SCAPER: variants seen among roughly 807,000 people sequenced by gnomAD.
SCAPER encodes the protein S phase cyclin A-associated protein in the endoplasmic reticulum.
In SCAPER, 98 loss-of-function variants were observed where a neutral mutation model predicts 182.2. That is an observed-to-expected ratio of 0.54 (90% CI 0.46 to 0.64). SCAPER has a LOEUF of 0.64. Ranked by LOEUF, SCAPER falls within the 30% of genes least tolerant of loss-of-function variation. The probability of loss-of-function intolerance (pLI) is 0.00; values close to 1 mark genes in which losing one functional copy is unlikely to be tolerated. For synonymous variants in SCAPER, 605 were observed against 564.6 expected, an observed-to-expected ratio of 1.07 and a Z score of -1.01; for missense variants, 1,432 against 1,690.0, an observed-to-expected ratio of 0.85 and a Z score of 2.68.
Position 76,800,507 on chromosome 15 carries a change from C to A in SCAPER, c.495-143G>T, listed in dbSNP as rs2065699401. 4.6e-6 allele frequency: 3 copies of A among 648,432 alleles called. No individual in the cohort carries two copies. In the African/African-American group the frequency reaches 5.5e-5, roughly 12 times the overall value. The allele number at this position is 648,432 out of a possible 1,614,324, so 40.2% of individuals were successfully genotyped here. The stretch of plus-strand genomic sequence containing the variant: ...AAAAGTCACAACATGTGCAAATGTT[C>A]CCCTAGAGCATTGCTTACCAGAAAG... On this transcript the variant is annotated intron_variant, in intron 6 of 31. Coordinates refer to ENST00000563290, the MANE Select transcript of SCAPER (RefSeq NM_020843.4).
chr15:76,777,604 G>GA (rs1163397911), intron 8 of SCAPER, among the ~76,000 whole-genome samples: 2 of 152,184 alleles, frequency 1.3e-5, no homozygotes, highest in Non-Finnish European at 2.9e-5. Context: ...TGAGACAGAA[G>GA]AATCGCTTGG....
chr15:76,373,419 G>A (rs1291048423), intron 29 of SCAPER, among the ~76,000 whole-genome samples: 4 of 151,758 alleles, frequency 2.6e-5, no homozygotes, highest in Non-Finnish European at 4.4e-5. Context: ...AATTTAATAG[G>A]TTGAATGGAT....
chr15:76,661,885 T>C (rs1013206625), intron 21 of SCAPER, among the ~76,000 whole-genome samples: 3 of 152,222 alleles, frequency 2.0e-5, no homozygotes, highest in Admixed American at 1.3e-4. Context: ...TGGACACTTA[T>C]GTTTGTTGCA....
intron 22 of SCAPER, among the ~76,000 whole-genome samples, chr15:76,591,731 A>G (rs1233585759): frequency 2.0e-5 from 3 of 152,224 alleles, no homozygotes; most frequent in African/African-American, 7.2e-5. Context: ...CAAGTTGCCA[A>G]TCAAAATATA....
Position 76,850,018 on chromosome 15 carries a change from C to T in SCAPER, c.195+7791G>A, listed in dbSNP as rs375873666. Among the ~76,000 whole-genome samples, 31 of 152,300 alleles carry T rather than the reference C, an allele frequency of 2.0e-4. 1 individual carries two copies. The East Asian group carries it at 3.1e-3, about 15-fold the overall frequency. On this transcript the variant is annotated intron_variant, in intron 4 of 31. Transcript: ENST00000563290. ...GAGAACAGCATGGGGAAAACCACCC[C>T]TATGATCCAATTACCTCCACCTGGT...
At chr15:76,725,540 C>A (rs904943972) in intron 17 of SCAPER, among the ~76,000 whole-genome samples, 2 of 151,850 alleles carry the variant, frequency 1.3e-5, no homozygotes, top group African/African-American at 2.4e-5. Context: ...GATCCTCAAG[C>A]CAAAACAATC....
At chr15:76,392,829 GCCTTCTCA>G (rs1221309737) in intron 27 of SCAPER, among the ~76,000 whole-genome samples, 4 of 152,132 alleles carry the variant, frequency 2.6e-5, no homozygotes, top group African/African-American at 9.7e-5. Flanking sequence ...TTGAGATCCT[GCCTTCTCA>G]GTCTCCTAGA....
intron 20 of SCAPER, among the ~76,000 whole-genome samples, chr15:76,701,487 T>G (rs1171763857): frequency 2.0e-5 from 3 of 152,214 alleles, no homozygotes. Context: ...ATTATTTTCC[T>G]GCATTATTAA....
intron 10 of SCAPER, among the ~76,000 whole-genome samples, chr15:76,770,751 CAAAAT>C (rs1472600044): frequency 3.3e-5 from 5 of 152,082 alleles, no homozygotes; most frequent in Non-Finnish European, 7.4e-5. Flanking sequence ...ACTGCTAAAA[CAAAAT>C]AAATGACCAA....
At chr15:76,779,370 T>C (rs946751255) in intron 8 of SCAPER, among the ~76,000 whole-genome samples, 1 of 152,272 alleles carries the variant, frequency 6.6e-6, no homozygotes, top group Middle Eastern at 3.4e-3. Context: ...GGAACATTAC[T>C]ACAGATCTTC....
intron 29 of SCAPER, among the ~76,000 whole-genome samples, chr15:76,357,432 G>A (rs2041065118): frequency 6.6e-6 from 1 of 152,098 alleles, no homozygotes; most frequent in Admixed American, 6.5e-5. Flanking sequence ...CAATCAGAAT[G>A]GCTATTATTA....
At chr15:76,841,985 C>G in intron 4 of SCAPER, 54 bp from the exon 5 acceptor site, 1 of 1,483,016 alleles carries the variant, frequency 6.7e-7, no homozygotes, top group Non-Finnish European at 9.1e-7. Flanking sequence ...CTTCCAGGGA[C>G]TGGATTTTTT....
At chr15:76,662,703 G>A (rs1396209385) in intron 21 of SCAPER, among the ~76,000 whole-genome samples, 1 of 152,010 alleles carries the variant, frequency 6.6e-6, no homozygotes, top group East Asian at 1.9e-4. Context: ...AAATCAAGGT[G>A]CTAAGCCATA....
At chr15:76,841,698 T>C (rs759359918) in intron 5 of SCAPER, 36 bp downstream of exon 5, 1 of 1,593,366 alleles carries the variant, frequency 6.3e-7, no homozygotes, top group Non-Finnish European at 8.6e-7. Context: ...AGAATCTGAG[T>C]TCAAATGGAT....
chr15:76,536,474 T>C (rs2044171228), intron 23 of SCAPER, among the ~76,000 whole-genome samples: 3 of 152,214 alleles, frequency 2.0e-5, no homozygotes, highest in African/African-American at 7.2e-5. Flanking sequence ...AGGACAGCAT[T>C]ATACAGTTAA....
intron 28 of SCAPER, among the ~76,000 whole-genome samples, chr15:76,378,602 T>C (rs943354726): frequency 1.3e-5 from 2 of 152,216 alleles, no homozygotes; most frequent in Admixed American, 6.5e-5. Context: ...TAGACAGATG[T>C]GTTGCTTTAG....
chr15:76,553,519 G>C (rs571038037), intron 23 of SCAPER, among the ~76,000 whole-genome samples: 6 of 152,150 alleles, frequency 3.9e-5, no homozygotes, highest in African/African-American at 1.4e-4. Flanking sequence ...ACACATGAAT[G>C]AGCACAGATC....
At chr15:76,854,090 G>A (rs2071072310) in intron 4 of SCAPER, among the ~76,000 whole-genome samples, 2 of 152,114 alleles carry the variant, frequency 1.3e-5, no homozygotes, top group South Asian at 2.1e-4. Flanking sequence ...CCAACAAGGT[G>A]AAACCTTGTC....
chr15:76,521,208 T>C (rs1226113532), intron 23 of SCAPER, among the ~76,000 whole-genome samples: 1 of 152,184 alleles, frequency 6.6e-6, no homozygotes, highest in Non-Finnish European at 1.5e-5. Flanking sequence ...CCTTGGAATA[T>C]ATTAGGATGG....
Sources: allele counts gnomAD v4.1 joint callset (sites outside exome capture counted in the v4.1 genomes callset), GRCh38; gene constraint gnomAD v4.1.1; transcripts MANE v1.5; gene names NCBI Gene and HGNC (gene_info 2026-07-23, HGNC 2026-07-21).